The following NAV3 variants were observed in gnomAD, a reference collection of about 807,000 sequenced individuals.
The protein encoded by NAV3 is neuron navigator 3.
In NAV3, 87 loss-of-function variants were observed where a neutral mutation model predicts 244.7. The ratio of observed to expected loss-of-function variants is 0.36; its 90% CI spans 0.30 to 0.42. NAV3 has a LOEUF of 0.42. Among genes scored for constraint, NAV3 ranks in the 20% least tolerant of loss-of-function variants. The probability of loss-of-function intolerance (pLI) is 1.00; values close to 1 mark genes in which losing one functional copy is unlikely to be tolerated. For missense variants in NAV3, 2,663 were observed against 2,893.3 expected (o/e 0.92, Z 1.83); for synonymous variants, 1,126 against 1,042.2 (o/e 1.08, Z -1.55).
At chr12:77,883,021 G>A (rs1167609851) in intron 1 of NAV3, among the ~76,000 whole-genome samples, 1 of 152,154 alleles carries the variant, frequency 6.6e-6, no homozygotes, top group East Asian at 1.9e-4. Context: ...GTGGAAAGCA[G>A]TTTGGAGATT....
rs1882720180 is a variant in NAV3 at position 78,051,266 on chromosome 12, CTG to C, written c.2516+120_2516+121del. 3 of 1,150,872 alleles carry C rather than the reference CTG, an allele frequency of 2.6e-6. No individual in the cohort carries two copies. The South Asian group carries it at 4.7e-5, about 18-fold the overall frequency. The allele number at this position is 1,150,872 out of a possible 1,614,324, so 71.3% of individuals were successfully genotyped here. A position where few individuals can be genotyped will look rare whatever the true frequency, so the allele number is the denominator to read the frequency against. ...AAAGTCATGAGAACATATGAGATAT[CTG>C]AGGTTATTCAGAGTGTTGAAGGGCC... On this transcript the variant is annotated intron_variant, in intron 11 of 39. Transcript: ENST00000397909.
Position 77,983,331 on chromosome 12 carries a change from C to T in NAV3, c.672-11472C>T, listed in dbSNP as rs115409420. ...TGCAGATCTGAAAGTTGGACTGGAA[C>T]AATGAATTTGGTGACTGATTGGAAG... is the stretch of plus-strand genomic sequence containing the variant. On this transcript the variant is annotated intron_variant, in intron 5 of 39. Coordinates refer to ENST00000397909, the MANE Select transcript of NAV3 (RefSeq NM_001024383.2). 5.8e-3 allele frequency among the ~76,000 whole-genome samples: 890 copies of T among 152,212 alleles called. 8 individuals are homozygous for T. Among genetic ancestry groups the T allele is most frequent in the African/African-American group, 0.02 (828 of 41,528 alleles).
intron 2 of NAV3, among the ~76,000 whole-genome samples, chr12:77,672,070 G>C (rs1874003347): frequency 6.6e-6 from 1 of 151,722 alleles, no homozygotes; most frequent in African/African-American, 2.4e-5. Context: ...AAACAAACAA[G>C]CAATCCCATC....
chr12:77,772,210 T>A (rs551013373), intron 2 of NAV3, among the ~76,000 whole-genome samples: 2 of 152,144 alleles, frequency 1.3e-5, no homozygotes, highest in Non-Finnish European at 2.9e-5. Context: ...TATTCAAACT[T>A]AGACCTGGCT....
intron 2 of NAV3, among the ~76,000 whole-genome samples, chr12:77,640,821 T>C (rs1872376604): frequency 6.6e-6 from 1 of 152,116 alleles, no homozygotes; most frequent in Non-Finnish European, 1.5e-5. Flanking sequence ...GGAGCCGAAA[T>C]GAGGGCAGCT....
intron 2 of NAV3, among the ~76,000 whole-genome samples, chr12:77,795,485 G>A (rs886674493): frequency 6.6e-6 from 1 of 152,042 alleles, no homozygotes; most frequent in Non-Finnish European, 1.5e-5. Context: ...GATGAAGATG[G>A]CTACACTAAA....
At chr12:77,874,384 A>AT (rs1487397464) in intron 1 of NAV3, among the ~76,000 whole-genome samples, 4 of 151,752 alleles carry the variant, frequency 2.6e-5, no homozygotes, top group African/African-American at 9.7e-5. Flanking sequence ...ATCCTCAGCT[A>AT]ATTTTTTTTA....
At chr12:77,658,639 C>T (rs1211484832) in intron 2 of NAV3, among the ~76,000 whole-genome samples, 10 of 152,208 alleles carry the variant, frequency 6.6e-5, no homozygotes, top group African/African-American at 2.4e-4. Context: ...AAAAAGGAGC[C>T]CGCATTGCCA....
chr12:77,587,961 C>T (rs1869692486), intron 2 of NAV3, among the ~76,000 whole-genome samples: 1 of 152,114 alleles, frequency 6.6e-6, no homozygotes. Context: ...ATAATAGTTT[C>T]CAGTCCATCA....
chr12:78,057,235 A>G (rs2137372633), intron 11 of NAV3, among the ~76,000 whole-genome samples: 1 of 152,336 alleles, frequency 6.6e-6, no homozygotes, highest in African/African-American at 2.4e-5. Context: ...ACAGTAATAA[A>G]TAGTTGGGCC....
rs1482952709 is a variant in NAV3, at chr12:78,144,928, AAAAAAAAAAAAAAAAAAAAG to A, written c.4684-1437_4684-1418del. 302 of 148,702 alleles carry A rather than the reference AAAAAAAAAAAAAAAAAAAAG, an allele frequency of 2.0e-3. 1 individual carries two copies. The highest frequency in any genetic ancestry group is 6.9e-3 in the African/African-American group (269 of 39,150). 9.2% of individuals were successfully genotyped at this position (148,702 alleles called of 1,614,324 possible). Reference sequence around the variant, plus strand: ...ATCCTGTCTCAAAAAAAAAAAAAAAAAAAAAAAAAAAAAAAAAAAGAAAGAAAGAAAGAAAAACAACAACA... The same window carrying A: ...ATCCTGTCTCAAAAAAAAAAAAAAAAAAAGAAAGAAAGAAAAACAACAACA... On this transcript the variant is annotated intron_variant, in intron 20 of 39. Coordinates refer to ENST00000397909, the MANE Select transcript of NAV3 (RefSeq NM_001024383.2).
chr12:77,848,469 C>G (rs1555214648), intron 1 of NAV3, among the ~76,000 whole-genome samples: 1 of 152,218 alleles, frequency 6.6e-6, no homozygotes, highest in Non-Finnish European at 1.5e-5. Context: ...TGCAGAGTAA[C>G]TTCTAAGGCT....
chr12:77,862,880 C>G (rs1245584066), intron 1 of NAV3, among the ~76,000 whole-genome samples: 1 of 151,482 alleles, frequency 6.6e-6, no homozygotes. Context: ...AGGATACTGT[C>G]ATATTCAATT....
At chr12:77,741,146 G>GAGAAAAAAAAAAAAAAAAAAAAA (rs1393220189) in intron 2 of NAV3, among the ~76,000 whole-genome samples, 1 of 7,370 alleles carries the variant, frequency 1.4e-4, no homozygotes, top group Non-Finnish European at 3.0e-4. Flanking sequence ...AAAAAAAAAA[G>GAGAAAAAAAAAAAAAAAAAAAAA]ACAAAAAAAA....
chr12:78,081,201 CG>C (rs1271097464), intron 12 of NAV3, among the ~76,000 whole-genome samples: 35 of 152,164 alleles, frequency 2.3e-4, no homozygotes, highest in African/African-American at 7.7e-4. Flanking sequence ...CGTGATAATA[CG>C]TTAAGAGAGA....
At chr12:77,903,901 T>C (rs374900562) in intron 1 of NAV3, among the ~76,000 whole-genome samples, 80 of 152,240 alleles carry the variant, frequency 5.3e-4, no homozygotes, top group African/African-American at 1.9e-3. Flanking sequence ...AAAATGCTCA[T>C]CATCACTGGC....
At chr12:77,921,970 G>C (rs1565923425) in intron 1 of NAV3, among the ~76,000 whole-genome samples, 2 of 152,134 alleles carry the variant, frequency 1.3e-5, no homozygotes, top group Admixed American at 6.6e-5. Flanking sequence ...GGTCTGTAAA[G>C]TGCCCAGCAC....
chr12:77,753,256 C>T (rs1200001781), intron 2 of NAV3, among the ~76,000 whole-genome samples: 3 of 152,208 alleles, frequency 2.0e-5, no homozygotes, highest in East Asian at 1.9e-4. Context: ...GTGAAGAAAA[C>T]TACTTACCAT....
Position 77,725,836 on chromosome 12 carries a change from T to G in NAV3, c.72+153570T>G, listed in dbSNP as rs1876852372. Among the ~76,000 whole-genome samples the G allele has an allele frequency of 2.6e-5, 4 of 151,946 alleles. No homozygotes were observed. The South Asian group carries it at 8.3e-4, about 31-fold the overall frequency. On this transcript the variant is annotated intron_variant, in intron 2 of 8. Coordinates refer to the NAV3 transcript ENST00000550042. ...GGCTGCATTCCTTCTGGAAGATCTGTGGGCGAATCCATTTCATTGCTGTTT... is the reference window on the plus strand; with the variant it reads ...GGCTGCATTCCTTCTGGAAGATCTGGGGGCGAATCCATTTCATTGCTGTTT...
Sources: gnomAD v4.1 joint callset for allele counts (sites outside exome capture counted in the v4.1 genomes callset) on GRCh38, gnomAD v4.1.1 for gene constraint, MANE v1.5 for transcripts, NCBI Gene and HGNC (gene_info 2026-07-23, HGNC 2026-07-21) for gene names.